ENPP7: variants seen among roughly 807,000 people sequenced by gnomAD.
ENPP7 encodes the protein ectonucleotide pyrophosphatase/phosphodiesterase 7.
ENPP7 carries 39 observed loss-of-function variants against 33.6 expected under a neutral mutation model. That is an observed-to-expected ratio of 1.16 (90% CI 0.90 to 1.52). ENPP7 has a LOEUF of 1.52. ENPP7 is among the 40% of genes most tolerant of loss of function. The probability of loss-of-function intolerance (pLI) is 0.00; values close to 1 mark genes in which losing one functional copy is unlikely to be tolerated. For missense variants in ENPP7, 594 were observed against 641.0 expected (o/e 0.93, Z 0.79); for synonymous variants, 244 against 274.3 (o/e 0.89, Z 1.09).
chr17:79,731,669 C>T (rs2094285751), intron 1 of ENPP7, among the ~76,000 whole-genome samples: 1 of 152,240 alleles, frequency 6.6e-6, no homozygotes, highest in African/African-American at 2.4e-5. Flanking sequence ...GCTCCCATGG[C>T]TCCCCTCCCC....
In ENPP7 at chr17:79,737,862, G is replaced by A. The variant is rs2094298758; in HGVS notation, c.1247-54G>A. 3 of 1,597,842 alleles carry A rather than the reference G, an allele frequency of 1.9e-6. No homozygotes were observed. Among genetic ancestry groups the A allele is most frequent in the Non-Finnish European group, 2.6e-6 (3 of 1,168,750 alleles). On this transcript the variant is annotated intron_variant, in intron 4 of 5. Transcript: ENST00000328313. The surrounding 1 kb of genome is among the most constrained non-coding windows in gnomAD (Gnocchi z 5.5). The stretch of plus-strand genomic sequence containing the variant: ...AGGACCCCGAGTTTACTGTGGAGAG[G>A]CTGGGGTGAGGAGCCATCCCTCTCT...
chr17:79,735,417 C>T lies in ENPP7; in HGVS notation c.774C>T (p.Asp258=), dbSNP rs1555823359. 6.2e-7 allele frequency: 1 copy of T among 1,613,962 alleles called. No homozygotes were observed. The highest frequency in any genetic ancestry group is 8.5e-7 in the Non-Finnish European group (1 of 1,180,038). The change falls in exon 3 of 6, where the codon GAC becomes GAT. Residue 258 remains aspartate, a synonymous_variant. Transcript: ENST00000328313. This position sits in a 1 kb window ranked among gnomAD's most constrained non-coding sequence, Gnocchi z 5.5. The stretch of plus-strand genomic sequence containing the variant: ...CGACCGTGGACAAACGGGCTGGCGA[C>T]CTGGTTGAATTCCACAAGTTCCCCA... ...GMTTVDKRAG[D]LVEFHKFPNF... is the part of the protein sequence containing the mutation.
rs1905543639 is a variant in ENPP7, at chr17:79,741,779, T to G, written c.*17-15T>G. ...CCTCTCCTCCCAGACCAACGCGTGC[T>G]GCTTGCTCTTCCAGGAAGCCGCCGG... On this transcript the variant is annotated splice_polypyrimidine_tract_variant and intron_variant, in intron 5 of 5. Transcript: ENST00000328313. The G allele has an allele frequency of 2.0e-6, 2 of 985,544 alleles. No individual in the cohort carries two copies. Among genetic ancestry groups the G allele is most frequent in the Admixed American group, 1.2e-4 (2 of 16,258 alleles). The allele number at this position is 985,544 out of a possible 1,614,324, so 61.0% of individuals were successfully genotyped here.
At chr17:79,733,063 G>C (rs2094289274) in intron 1 of ENPP7, among the ~76,000 whole-genome samples, 1 of 152,182 alleles carries the variant, frequency 6.6e-6, no homozygotes, top group South Asian at 2.1e-4. Flanking sequence ...AAAATCTCCT[G>C]GAGCTCCACG....
At position 79,733,614 on chromosome 17, in the gene ENPP7, C is replaced by T; in HGVS notation, c.360C>T (p.Asp120=). Reference sequence around the variant, plus strand: ...CGCTGGGCATCCAGAGGTGGTGGGACAACGGCAGCGTGCCCATCTGGATCA... The same window carrying T: ...CGCTGGGCATCCAGAGGTGGTGGGATAACGGCAGCGTGCCCATCTGGATCA... ...HATLGIQRWW[D]NGSVPIWITA... is the part of the protein sequence containing the mutation. The change falls in exon 2 of 6, where the codon GAC becomes GAT. Residue 120 remains aspartate, a synonymous_variant. Coordinates refer to ENST00000328313, the MANE Select transcript of ENPP7 (RefSeq NM_178543.5). 2 of 1,613,196 alleles carry T rather than the reference C, an allele frequency of 1.2e-6. No individual in the cohort carries two copies. The highest frequency in any genetic ancestry group is 1.7e-6 in the Non-Finnish European group (2 of 1,179,994).
chr17:79,734,473 G>C (rs1200864770), intron 2 of ENPP7, among the ~76,000 whole-genome samples: 1 of 131,686 alleles, frequency 7.6e-6, no homozygotes, highest in African/African-American at 2.5e-5. Flanking sequence ...CTGCGTATCT[G>C]GGAACATTTT....
intron 5 of ENPP7, among the ~76,000 whole-genome samples, chr17:79,741,125 C>G (rs1905492139): frequency 6.6e-6 from 1 of 152,142 alleles, no homozygotes; most frequent in Non-Finnish European, 1.5e-5. Context: ...GCTGAGACTA[C>G]AGGTGTGCAC....
intron 5 of ENPP7, among the ~76,000 whole-genome samples, chr17:79,740,476 G>T (rs2094303302): frequency 1.3e-5 from 2 of 152,164 alleles, no homozygotes; most frequent in African/African-American, 4.8e-5. Flanking sequence ...GCCTCTCTGT[G>T]CTCAGGGGCT....
In ENPP7 at chr17:79,736,574, T is replaced by C. The variant is rs555200342; in HGVS notation, c.1027-467T>C. 8.2e-4 allele frequency among the ~76,000 whole-genome samples: 118 copies of C among 144,178 alleles called. 1 individual carries two copies. The South Asian group carries it at 0.014, about 17-fold the overall frequency. The allele number at this position is 144,178 out of a possible 152,430, so 94.6% of individuals were successfully genotyped here. A position where few individuals can be genotyped will look rare whatever the true frequency, so the allele number is the denominator to read the frequency against. ...GTGTGTGTGTGTGTGTGTGTGTGTG[T>C]GCGTCCTACGTGTCCAGGGTAAAGT... is the stretch of plus-strand genomic sequence containing the variant. On this transcript the variant is annotated intron_variant, in intron 3 of 5. Transcript: ENST00000328313.
rs2094294935 is a variant in ENPP7 at position 79,735,933 on chromosome 17, G to A, written c.1026+264G>A. Among the ~76,000 whole-genome samples the A allele has an allele frequency of 6.6e-6, 1 of 152,100 alleles. No homozygotes were observed. The highest frequency in any genetic ancestry group is 1.5e-5 in the Non-Finnish European group (1 of 68,020). On this transcript the variant is annotated intron_variant, in intron 3 of 5. Transcript: ENST00000328313. The surrounding 1 kb of genome is among the most constrained non-coding windows in gnomAD (Gnocchi z 5.5). ...GTTTTGTTTTGTTTCATTTGAGACA[G>A]AGTTTCACTCTTGTCATCCAGGCTG...
intron 1 of ENPP7, among the ~76,000 whole-genome samples, chr17:79,732,097 AAT>A (rs1248981009): frequency 1.7e-5 from 1 of 59,672 alleles, no homozygotes; most frequent in Non-Finnish European, 3.7e-5. Context: ...GACTGCATAT[AAT>A]ATATATATAC....
intron 1 of ENPP7, among the ~76,000 whole-genome samples, chr17:79,732,752 C>T (rs59428078): frequency 0.069 from 10,456 of 152,276 alleles, 773 homozygotes; most frequent in East Asian, 0.4. Flanking sequence ...CATCCCCTTA[C>T]CCTAGCTAAT....
At position 79,737,242 on chromosome 17, in the gene ENPP7, C is replaced by T; in HGVS notation, c.1228C>T (p.Leu410=). ...EANDGHLATL[L]PMLHTESALP... ...CAACGATGGGCACCTAGCTACTCTG[C>T]TGCCCATGCTGCACACAGGTGAGGG... The change falls in exon 4 of 6, where the codon CTG becomes TTG. Residue 410 remains leucine (L), a synonymous_variant. Coordinates refer to ENST00000328313, the MANE Select transcript of ENPP7 (RefSeq NM_178543.5). The surrounding 1 kb of genome is among the most constrained non-coding windows in gnomAD (Gnocchi z 5.5). The T allele has an allele frequency of 1.2e-6, 2 of 1,606,100 alleles. No individual in the cohort carries two copies. The highest frequency in any genetic ancestry group is 8.5e-7 in the Non-Finnish European group (1 of 1,178,760).
chr17:79,736,853 C>T (rs1428076104), intron 3 of ENPP7, among the ~76,000 whole-genome samples, 188 bp from the exon 4 acceptor site: 4 of 152,202 alleles, frequency 2.6e-5, no homozygotes, highest in Non-Finnish European at 5.9e-5. Flanking sequence ...CTGGACCTTC[C>T]CTGAACTTCA....
Position 79,733,532 on chromosome 17 carries a change from T to A in ENPP7, c.278T>A (p.Val93Glu). The A allele has an allele frequency of 6.2e-7, 1 of 1,612,940 alleles. No individual in the cohort carries two copies. Among genetic ancestry groups the A allele is most frequent in the Non-Finnish European group, 8.5e-7 (1 of 1,179,844 alleles). Residue 93 changes from valine to glutamate, a missense_variant, in exon 2 of 6, where the codon GTG (valine) becomes GAG (glutamate). Val to Glu is a moderately radical substitution (Grantham distance 121). Around this residue, in one of 3 missense-constraint regions of ENPP7, gnomAD observed 504 missense variants for 512.8 expected, o/e 0.98. Coordinates refer to ENST00000328313, the MANE Select transcript of ENPP7 (RefSeq NM_178543.5). ...VTGKYIENHG[V>E]VHNMYYNTTS... Reference sequence around the variant, plus strand: ...GGCAAATATATCGAGAACCACGGGGTGGTTCACAACATGTACTACAACACC... The same window carrying A: ...GGCAAATATATCGAGAACCACGGGGAGGTTCACAACATGTACTACAACACC...
At position 79,733,637 on chromosome 17, in the gene ENPP7, T is replaced by A. The variant is rs1555822970; in HGVS notation, c.383T>A (p.Ile128Asn). The change falls in exon 2 of 6, where the codon ATC (isoleucine) becomes AAC (asparagine). Residue 128 changes from isoleucine to asparagine, a missense_variant. By Grantham distance (149) the Ile-to-Asn change is moderately radical. This residue lies in a region of ENPP7 where 504 missense variants were observed against 512.8 expected (regional missense o/e 0.98). Transcript: ENST00000328313. ...GACAACGGCAGCGTGCCCATCTGGA[T>A]CACAGCCCAGAGGCAGGTAATGTCA... is the stretch of plus-strand genomic sequence containing the variant. ...WWDNGSVPIW[I>N]TAQRQGLRAG... is the part of the protein sequence containing the mutation. 2 of 1,612,026 alleles carry A rather than the reference T, an allele frequency of 1.2e-6. No individual in the cohort carries two copies. The highest frequency in any genetic ancestry group is 3.3e-5 in the Admixed American group (2 of 59,922).
In ENPP7 at chr17:79,738,327, C is replaced by A; in HGVS notation, c.*16+265C>A. The A allele has an allele frequency of 2.5e-6, 1 of 403,078 alleles. No homozygotes were observed. The highest frequency in any genetic ancestry group is 3.6e-5 in the South Asian group (1 of 27,408). 25.0% of individuals were successfully genotyped at this position (403,078 alleles called of 1,614,324 possible). ...AGTGGCCAGAATTCCCACCCTCCCC[C>A]AAAAGCCAGAACTCCCTCAGCCTCT... is the stretch of plus-strand genomic sequence containing the variant. On this transcript the variant is annotated intron_variant, in intron 5 of 5. Transcript: ENST00000328313. The surrounding 1 kb of genome is among the most constrained non-coding windows in gnomAD (Gnocchi z 6.2).
chr17:79,731,081 C>T lies in ENPP7; in HGVS notation c.-59C>T. ...GCCCGGGTGACCCTGGGACTTTGTC[C>T]TCCTCGGCAGGAGCCAGCCCTGTGC... On this transcript the variant is annotated 5_prime_UTR_variant, in exon 1 of 6. Coordinates refer to ENST00000328313, the MANE Select transcript of ENPP7 (RefSeq NM_178543.5). 1 of 1,526,106 alleles carries T rather than the reference C, an allele frequency of 6.6e-7. No individual in the cohort carries two copies. The highest frequency in any genetic ancestry group is 8.8e-7 in the Non-Finnish European group (1 of 1,138,250). The allele number at this position is 1,526,106 out of a possible 1,614,324, so 94.5% of individuals were successfully genotyped here. A position where few individuals can be genotyped will look rare whatever the true frequency, so the allele number is the denominator to read the frequency against.
intron 3 of ENPP7, among the ~76,000 whole-genome samples, chr17:79,736,536 C>T (rs1002539066): frequency 1.4e-5 from 2 of 146,010 alleles, no homozygotes; most frequent in Admixed American, 6.8e-5. Context: ...GTGTGATAGG[C>T]GTGTGTGTGT....
Sources: allele counts gnomAD v4.1 joint callset (sites outside exome capture counted in the v4.1 genomes callset), GRCh38; gene constraint gnomAD v4.1.1; regional missense constraint gnomAD v4.1.1; non-coding constraint Gnocchi (gnomAD v3.1); transcripts MANE v1.5; gene names NCBI Gene and HGNC (gene_info 2026-07-23, HGNC 2026-07-21).